KCNK10: variants seen among roughly 807,000 people sequenced by gnomAD.
The protein encoded by KCNK10 is potassium two pore domain channel subfamily K member 10.
KCNK10 carries 25 observed loss-of-function variants against 47.7 expected under a neutral mutation model. That is an observed-to-expected ratio of 0.52 (90% CI 0.38 to 0.73). KCNK10 has a LOEUF of 0.73. KCNK10 is among the 30% of genes least tolerant of loss of function. The pLI is 0.00. For synonymous variants in KCNK10, 303 were observed against 285.6 expected (o/e 1.06, Z -0.61); for missense variants, 563 against 714.5 (o/e 0.79, Z 2.42).
At chr14:88,232,358 C>T (rs1017524377) in intron 3 of KCNK10, among the ~76,000 whole-genome samples, 2 of 152,178 alleles carry the variant, frequency 1.3e-5, no homozygotes, top group African/African-American at 4.8e-5. Flanking sequence ...TCAGCTCTCA[C>T]GGTTCCTCTT....
chr14:88,308,485 A>G (rs1028252195), intron 1 of KCNK10, among the ~76,000 whole-genome samples: 63 of 152,296 alleles, frequency 4.1e-4, no homozygotes, highest in African/African-American at 1.5e-3. Context: ...ATTTCCTCCT[A>G]CTCAAAAGAC....
intron 3 of KCNK10, among the ~76,000 whole-genome samples, chr14:88,232,926 A>G (rs1395777802): frequency 6.6e-6 from 1 of 152,232 alleles, no homozygotes; most frequent in Non-Finnish European, 1.5e-5. Context: ...GTGCACATGA[A>G]CAAATAGGAT....
At chr14:88,200,600 T>C (rs1186568085) in intron 4 of KCNK10, among the ~76,000 whole-genome samples, 2 of 152,228 alleles carry the variant, frequency 1.3e-5, no homozygotes, top group Non-Finnish European at 2.9e-5. Context: ...AACCCTACAC[T>C]GGGAAGGCCT....
chr14:88,245,653 T>C (rs564940390), intron 2 of KCNK10, among the ~76,000 whole-genome samples: 1 of 150,054 alleles, frequency 6.7e-6, no homozygotes, highest in Admixed American at 6.6e-5. Flanking sequence ...AGATCATCTG[T>C]TTCTCTGTTT....
chr14:88,282,209 C>A (rs1887666373), intron 1 of KCNK10, among the ~76,000 whole-genome samples: 1 of 152,146 alleles, frequency 6.6e-6, no homozygotes, highest in South Asian at 2.1e-4. Flanking sequence ...TCATAGATAT[C>A]AACTAGTCCA....
At chr14:88,217,252 T>C (rs951963088) in intron 4 of KCNK10, among the ~76,000 whole-genome samples, 1 of 152,180 alleles carries the variant, frequency 6.6e-6, no homozygotes, top group Non-Finnish European at 1.5e-5. Flanking sequence ...AGGGCAGGCA[T>C]GACATAGAAG....
intron 1 of KCNK10, among the ~76,000 whole-genome samples, chr14:88,286,700 G>A (rs577895605): frequency 1.3e-5 from 2 of 152,326 alleles, no homozygotes; most frequent in African/African-American, 4.8e-5. Context: ...CAGCAGGCAA[G>A]AGAGAATGAG....
chr14:88,294,280 T>C (rs1887940061), intron 1 of KCNK10, among the ~76,000 whole-genome samples: 2 of 152,244 alleles, frequency 1.3e-5, no homozygotes, highest in African/African-American at 4.8e-5. Flanking sequence ...TGTTTCAGCC[T>C]TAGGGAACTG....
At chr14:88,286,101 C>T (rs1232387839) in intron 1 of KCNK10, among the ~76,000 whole-genome samples, 2 of 152,160 alleles carry the variant, frequency 1.3e-5, no homozygotes, top group African/African-American at 2.4e-5. Context: ...CCAACAGCCA[C>T]GCTGAGATCT....
At chr14:88,292,823 G>A (rs1887910171) in intron 1 of KCNK10, among the ~76,000 whole-genome samples, 1 of 151,986 alleles carries the variant, frequency 6.6e-6, no homozygotes, top group African/African-American at 2.4e-5. Context: ...AGTAGAGACA[G>A]GGTTTCACCA....
intron 2 of KCNK10, among the ~76,000 whole-genome samples, chr14:88,246,989 A>G (rs1477293839): frequency 3.3e-5 from 5 of 152,168 alleles, no homozygotes; most frequent in Non-Finnish European, 7.3e-5. Context: ...AGGACCTAGT[A>G]CAGTGGGCAA....
chr14:88,216,324 C>T (rs1175716185), intron 4 of KCNK10, among the ~76,000 whole-genome samples: 1 of 152,168 alleles, frequency 6.6e-6, no homozygotes, highest in Non-Finnish European at 1.5e-5. Context: ...GTCTTTGGGG[C>T]AATTGTCCCC....
intron 1 of KCNK10, among the ~76,000 whole-genome samples, chr14:88,281,581 T>C (rs1248583688): frequency 6.6e-6 from 1 of 152,074 alleles, no homozygotes; most frequent in Admixed American, 6.6e-5. Context: ...TTGGCTTTCC[T>C]GGTTCTCAGG....
chr14:88,310,307 T>C (rs1888302087), intron 1 of KCNK10, among the ~76,000 whole-genome samples: 1 of 131,186 alleles, frequency 7.6e-6, no homozygotes, highest in Admixed American at 8.0e-5. Context: ...GTGGCTAGGC[T>C]GTGACTTCTC....
chr14:88,228,948 A>T (rs2139874408), intron 3 of KCNK10, among the ~76,000 whole-genome samples: 1 of 152,300 alleles, frequency 6.6e-6, no homozygotes, highest in African/African-American at 2.4e-5. Context: ...TTTTTCCAAG[A>T]ATACCCCTCT....
intron 4 of KCNK10, among the ~76,000 whole-genome samples, chr14:88,220,977 G>T (rs1288388903): frequency 6.6e-6 from 1 of 151,652 alleles, no homozygotes; most frequent in Non-Finnish European, 1.5e-5. Flanking sequence ...AAATGCAAAG[G>T]ATATACTTGA....
In KCNK10 at chr14:88,241,030, G is replaced by A. The variant is rs113531162; in HGVS notation, c.403-210C>T. 9.0e-3 allele frequency among the ~76,000 whole-genome samples: 1,376 copies of A among 152,262 alleles called. 24 individuals are homozygous for A. The highest frequency in any genetic ancestry group is 0.031 in the African/African-American group (1,282 of 41,560). ...ATCAGAAAATTAGTGTTAAATAGGG[G>A]GGAAACGCTAGGGTATAGAATATGG... is the stretch of plus-strand genomic sequence containing the variant. On this transcript the variant is annotated intron_variant, in intron 2 of 6. Transcript: ENST00000319231.
At chr14:88,266,489 C>G (rs544617790) in intron 1 of KCNK10, among the ~76,000 whole-genome samples, 2 of 152,212 alleles carry the variant, frequency 1.3e-5, no homozygotes, top group Non-Finnish European at 2.9e-5. Flanking sequence ...ACTAGCCTAT[C>G]AACTTCTTGG....
chr14:88,259,994 G>A (rs556885349), intron 2 of KCNK10, among the ~76,000 whole-genome samples: 1 of 152,248 alleles, frequency 6.6e-6, no homozygotes, highest in South Asian at 2.1e-4. Context: ...CTAGGCTGGA[G>A]TGCAGTGGCA....
Sources: allele counts gnomAD v4.1 joint callset (sites outside exome capture counted in the v4.1 genomes callset), GRCh38; gene constraint gnomAD v4.1.1; transcripts MANE v1.5; gene names NCBI Gene and HGNC (gene_info 2026-07-23, HGNC 2026-07-21).